Variants in PLXNA2 observed in about 807,000 individuals in gnomAD.
PLXNA2 encodes the protein plexin-A2.
PLXNA2 carries 91 observed loss-of-function variants against 193.5 expected under a neutral mutation model. The observed-to-expected ratio is 0.47, with a 90% CI of 0.40 to 0.56. The LOEUF (loss-of-function observed/expected upper bound fraction) is 0.56. PLXNA2 is among the 20% of genes least tolerant of loss of function. The pLI is 0.00. For missense variants in PLXNA2, 1,995 were observed against 2,503.2 expected (o/e 0.80, Z 4.33); for synonymous variants, 997 against 1,027.3 (o/e 0.97, Z 0.56).
chr1:208,166,328 G>A (rs905781343), intron 3 of PLXNA2, among the ~76,000 whole-genome samples: 3 of 152,212 alleles, frequency 2.0e-5, no homozygotes, highest in African/African-American at 7.2e-5. Context: ...CAGCCAACTG[G>A]TCTGCATTGC....
rs774888420 is a variant in PLXNA2, at chr1:208,096,694, C to T, written c.1885+36G>A. On this transcript the variant is annotated intron_variant, in intron 7 of 31. Coordinates refer to ENST00000367033, the MANE Select transcript of PLXNA2 (RefSeq NM_025179.4). ...CCCAGCTCCCTCAGTATAGAGAAGC[C>T]CCTCATTTGTGGCTCTCATGGCAGA... 3.7e-6 allele frequency: 6 copies of T among 1,610,998 alleles called. No homozygotes were observed. The East Asian group carries it at 1.3e-4, about 36-fold the overall frequency.
At chr1:208,053,880 C>T (rs577360945) in intron 14 of PLXNA2, among the ~76,000 whole-genome samples, 1 of 152,306 alleles carries the variant, frequency 6.6e-6, no homozygotes, top group African/African-American at 2.4e-5. Flanking sequence ...TGAATGTGTG[C>T]GTGTAACCAC....
At chr1:208,160,239 G>C (rs762279018) in intron 3 of PLXNA2, among the ~76,000 whole-genome samples, 5 of 152,200 alleles carry the variant, frequency 3.3e-5, no homozygotes, top group Admixed American at 6.5e-5. Context: ...AGTAGAAAGG[G>C]TTATTGCGGG....
At chr1:208,200,445 C>T (rs776421788) in intron 3 of PLXNA2, among the ~76,000 whole-genome samples, 1 of 152,130 alleles carries the variant, frequency 6.6e-6, no homozygotes, top group African/African-American at 2.4e-5. Context: ...CCATCTCCAC[C>T]CTGAAGTATT....
rs1346706978 is a variant in PLXNA2, at chr1:208,159,042, G to A, written c.1372-16579C>T. 5.9e-5 allele frequency among the ~76,000 whole-genome samples: 9 copies of A among 152,332 alleles called. No individual in the cohort carries two copies. In the East Asian group the frequency reaches 1.7e-3, roughly 29 times the overall value. Reference sequence around the variant, plus strand: ...AGCCGCATAGGCATCTACCCCCACAGGCTAGCTGGGCGATGGTCAAAGGTT... The same window carrying A: ...AGCCGCATAGGCATCTACCCCCACAAGCTAGCTGGGCGATGGTCAAAGGTT... On this transcript the variant is annotated intron_variant, in intron 3 of 31. Coordinates refer to ENST00000367033, the MANE Select transcript of PLXNA2 (RefSeq NM_025179.4).
intron 9 of PLXNA2, among the ~76,000 whole-genome samples, chr1:208,091,557 G>A (rs182851010): frequency 2.0e-5 from 3 of 152,150 alleles, no homozygotes; most frequent in Non-Finnish European, 4.4e-5. Flanking sequence ...GTAGTCTAGC[G>A]CAAGAGGAAG....
At chr1:208,086,803 A>C (rs1161673006) in intron 9 of PLXNA2, among the ~76,000 whole-genome samples, 1 of 151,852 alleles carries the variant, frequency 6.6e-6, no homozygotes, top group African/African-American at 2.4e-5. Context: ...AAAAAAAAAA[A>C]AAAAGATGAG....
rs1442622837 is a variant in PLXNA2 at position 208,216,865 on chromosome 1, G to C, written c.1058C>G (p.Ser353Cys). 1 of 1,614,230 alleles carries C rather than the reference G, an allele frequency of 6.2e-7. No individual in the cohort carries two copies. Among genetic ancestry groups the C allele is most frequent in the South Asian group, 1.1e-5 (1 of 91,088 alleles). ...QKQYHHPPDD[S>C]ALCAFPIRAI... ...CCGGATAGGGAAGGCACACAGGGCA[G>C]AGTCATCGGGCGGGTGGTGATACTG... The change falls in exon 2 of 32, where the codon TCT becomes TGT. Residue 353 changes from serine (S) to cysteine (C), a missense_variant. Coordinates refer to ENST00000367033, the MANE Select transcript of PLXNA2 (RefSeq NM_025179.4).
At chr1:208,234,792 T>C (rs569880414) in intron 1 of PLXNA2, among the ~76,000 whole-genome samples, 29 of 152,166 alleles carry the variant, frequency 1.9e-4, no homozygotes, top group Non-Finnish European at 3.5e-4. Flanking sequence ...AAAGAAAAGG[T>C]AGCTAAGTGG....
chr1:208,189,024 T>C (rs560038228), intron 3 of PLXNA2, among the ~76,000 whole-genome samples: 1 of 152,328 alleles, frequency 6.6e-6, no homozygotes, highest in East Asian at 1.9e-4. Context: ...ATGAATGAGT[T>C]TCCCTTCTGT....
intron 3 of PLXNA2, among the ~76,000 whole-genome samples, chr1:208,193,573 C>T (rs190975442): frequency 5.1e-4 from 78 of 152,254 alleles, no homozygotes; most frequent in African/African-American, 1.6e-3. Flanking sequence ...CTTTATATAA[C>T]TGAAACCAAT....
chr1:208,122,574 CTT>C (rs1193317732), intron 4 of PLXNA2, among the ~76,000 whole-genome samples: 2 of 152,174 alleles, frequency 1.3e-5, no homozygotes, highest in African/African-American at 2.4e-5. Context: ...TTCACTCTCT[CTT>C]GTTCCCTCTT....
chr1:208,085,735 C>T (rs1666497972), intron 9 of PLXNA2, among the ~76,000 whole-genome samples: 1 of 152,190 alleles, frequency 6.6e-6, no homozygotes, highest in Admixed American at 6.5e-5. Context: ...CAGCATCTGG[C>T]CCTTGCCTAC....
chr1:208,151,707 C>G (rs772225066), intron 3 of PLXNA2, among the ~76,000 whole-genome samples: 9 of 152,214 alleles, frequency 5.9e-5, no homozygotes, highest in Non-Finnish European at 8.8e-5. Flanking sequence ...CTTCAAAACT[C>G]TGAGGTAGGC....
At chr1:208,194,278 C>T (rs1165705257) in intron 3 of PLXNA2, among the ~76,000 whole-genome samples, 1 of 151,744 alleles carries the variant, frequency 6.6e-6, no homozygotes, top group African/African-American at 2.4e-5. Flanking sequence ...TGTTAATGAG[C>T]TGATCTGGGG....
chr1:208,052,203 G>T, intron 15 of PLXNA2, 124 bp downstream of exon 15: 1 of 907,796 alleles, frequency 1.1e-6, no homozygotes, highest in Non-Finnish European at 1.7e-6. Flanking sequence ...TGGTATTTGG[G>T]TCTAGGTGTA....
At chr1:208,222,991 C>A (rs565488868) in intron 1 of PLXNA2, among the ~76,000 whole-genome samples, 62 of 152,198 alleles carry the variant, frequency 4.1e-4, no homozygotes, top group African/African-American at 1.4e-3. Flanking sequence ...ACTATTACTA[C>A]TGCACCTACT....
intron 3 of PLXNA2, among the ~76,000 whole-genome samples, chr1:208,172,746 G>A (rs571960401): frequency 6.6e-6 from 1 of 152,296 alleles, no homozygotes; most frequent in Non-Finnish European, 1.5e-5. Flanking sequence ...CCTTACCTGG[G>A]AGTCCCTGCA....
At position 208,023,997 on chromosome 1, in the gene PLXNA2, A is replaced by T. The variant is rs367646051; in HGVS notation, c.*3246T>A. On this transcript the variant is annotated 3_prime_UTR_variant, in exon 32 of 32. Coordinates refer to ENST00000367033, the MANE Select transcript of PLXNA2 (RefSeq NM_025179.4). ...CTGCTGTGGAGAGAGGTAGGACAGC[A>T]AGCACAGAAGCACCTGACCCCATGC... 6.6e-6 allele frequency: 1 copy of T among 152,342 alleles called. No individual in the cohort carries two copies. Among genetic ancestry groups the T allele is most frequent in the African/African-American group, 2.4e-5 (1 of 41,456 alleles). The allele number at this position is 152,342 out of a possible 1,614,324, so 9.4% of individuals were successfully genotyped here.
Sources: gnomAD v4.1 joint callset for allele counts (sites outside exome capture counted in the v4.1 genomes callset) on GRCh38, gnomAD v4.1.1 for gene constraint, MANE v1.5 for transcripts, NCBI Gene and HGNC (gene_info 2026-07-23, HGNC 2026-07-21) for gene names.